The following NUP210 variants were observed in gnomAD, a reference collection of about 807,000 sequenced individuals.
NUP210 encodes nuclear pore membrane glycoprotein 210.
In NUP210, 151 loss-of-function variants were observed where a neutral mutation model predicts 196.0. The ratio of observed to expected loss-of-function variants is 0.77; its 90% CI spans 0.67 to 0.88. The LOEUF is 0.88. Ranked by LOEUF, NUP210 falls within the 40% of genes least tolerant of loss-of-function variation. The pLI is 0.00. For synonymous variants in NUP210, 1,070 were observed against 1,052.7 expected (o/e 1.02, Z -0.32); for missense variants, 2,314 against 2,493.7 (o/e 0.93, Z 1.53).
In NUP210 at chr3:13,327,399, T is replaced by G. The variant is rs754029061; in HGVS notation, c.4325A>C (p.Asn1442Thr). The G allele has an allele frequency of 5.0e-6, 8 of 1,612,740 alleles. No individual in the cohort carries two copies. The highest frequency in any genetic ancestry group is 2.2e-5 in the South Asian group (2 of 91,018). Residue 1442 changes from asparagine (N) to threonine (T), a missense_variant, in exon 32 of 40, where the codon AAC becomes ACC. Physicochemically the swap from Asn to Thr is moderately conservative, Grantham distance 65 (BLOSUM62 0). Transcript: ENST00000254508. ...FVQIGKGPTN[N>T]TCVVRTVSVG... ...GCTGACTGTGCGGACAACGCAGGTG[T>G]TGTTGGTGGGGCCCTTCCCGATCTG... is the stretch of plus-strand genomic sequence containing the variant.
At chr3:13,359,943 G>A (rs1229757693) in intron 15 of NUP210, among the ~76,000 whole-genome samples, 1 of 152,240 alleles carries the variant, frequency 6.6e-6, no homozygotes, top group Admixed American at 6.5e-5. Flanking sequence ...CGACCCTGGA[G>A]ACATTGGACT....
At position 13,367,918 on chromosome 3, in the gene NUP210, G is replaced by A. The variant is rs529544864; in HGVS notation, c.1787-1827C>T. On this transcript the variant is annotated intron_variant, in intron 13 of 39. Transcript: ENST00000254508. ...GGACACACCTGGGCATTTCTGTTGC[G>A]TGCGTCCCTAAGAGAGGAAGTGCTA... Among the ~76,000 whole-genome samples the A allele has an allele frequency of 1.4e-4, 21 of 152,228 alleles. No individual in the cohort carries two copies. In the South Asian group the frequency reaches 3.5e-3, roughly 26 times the overall value.
In NUP210 at chr3:13,321,831, C is replaced by T; in HGVS notation, c.4920G>A (p.Gln1640=). The part of the protein sequence containing the change: ...VEPQFDTALG[Q]YFCSITMHRL... ...TGTGCATTGTGATTGAGCAGAAGTACTGGCCTGCGAAGACAAGGGTGTATT... is the reference window on the plus strand; with the variant it reads ...TGTGCATTGTGATTGAGCAGAAGTATTGGCCTGCGAAGACAAGGGTGTATT... The change falls in exon 36 of 40, where the codon CAG becomes CAA. Residue 1640 remains glutamine (Q), a synonymous_variant. Transcript: ENST00000254508. 6.2e-7 allele frequency: 1 copy of T among 1,604,122 alleles called. No homozygotes were observed. The highest frequency in any genetic ancestry group is 8.5e-7 in the Non-Finnish European group (1 of 1,179,672).
intron 3 of NUP210, among the ~76,000 whole-genome samples, chr3:13,394,302 C>G (rs1699583669): frequency 6.6e-6 from 1 of 152,196 alleles, no homozygotes; most frequent in Non-Finnish European, 1.5e-5. Context: ...ATGCAAGAGG[C>G]ACGGGTGGGC....
chr3:13,327,556 G>A (rs1331819396), intron 31 of NUP210, 119 bp from the exon 32 acceptor site: 2 of 755,956 alleles, frequency 2.6e-6, no homozygotes, highest in Non-Finnish European at 4.3e-6. Flanking sequence ...TGAGGTCCCA[G>A]GTGTGGCCCC....
rs1696414694 is a variant in NUP210, at chr3:13,319,418, C to T, written c.5384-93G>A. The stretch of plus-strand genomic sequence containing the variant: ...CCCTACTGTACGTCTACAGGGCAGT[C>T]CACAGGTCCCTCTTAGATGTAAGGA... On this transcript the variant is annotated intron_variant, in intron 37 of 39. Coordinates refer to ENST00000254508, the MANE Select transcript of NUP210 (RefSeq NM_024923.4). 5.8e-6 allele frequency: 6 copies of T among 1,035,646 alleles called. No individual in the cohort carries two copies. The Admixed American group carries it at 1.0e-4, about 17-fold the overall frequency. The allele number at this position is 1,035,646 out of a possible 1,614,324, so 64.2% of individuals were successfully genotyped here.
chr3:13,391,658 T>G (rs9845966), intron 3 of NUP210, among the ~76,000 whole-genome samples: 86,076 of 146,428 alleles, frequency 0.59, 26,461 homozygotes, highest in African/African-American at 0.78. Context: ...AATTTAGGAG[T>G]CTGCTCGGAA....
intron 12 of NUP210, among the ~76,000 whole-genome samples, chr3:13,372,829 G>A (rs764835092): frequency 1.2e-4 from 19 of 152,278 alleles, no homozygotes; most frequent in Non-Finnish European, 2.1e-4. Flanking sequence ...TACCCAGAAC[G>A]CACGCTGCCT....
rs561280799 is a variant in NUP210, at chr3:13,366,910, A to G, written c.1787-819T>C. 3.3e-5 allele frequency among the ~76,000 whole-genome samples: 5 copies of G among 151,698 alleles called. No individual in the cohort carries two copies. In the South Asian group the frequency reaches 1.0e-3, roughly 32 times the overall value. ...GAGGCTGAGATGGGCGGATCACCTGAGGTCAGGAGTTTAAGACCAGCCTGA... is the reference window on the plus strand; with the variant it reads ...GAGGCTGAGATGGGCGGATCACCTGGGGTCAGGAGTTTAAGACCAGCCTGA... On this transcript the variant is annotated intron_variant, in intron 13 of 39. Transcript: ENST00000254508.
chr3:13,319,765 G>A lies in NUP210; in HGVS notation c.5381C>T (p.Pro1794Leu), dbSNP rs1295596890. Reference sequence around the variant, plus strand: ...GATGATGTCGTTCCGTGACTCACAAGGACCGGGCCCACGGCGATCCACCAC... The same window carrying A: ...GATGATGTCGTTCCGTGACTCACAAAGACCGGGCCCACGGCGATCCACCAC... ...AFVVDRRGPG[P>L]YGASLFQHFL... The change falls in exon 37 of 40, where the codon CCT becomes CTT. Residue 1794 changes from proline to leucine, a missense_variant and splice_region_variant. Coordinates refer to ENST00000254508, the MANE Select transcript of NUP210 (RefSeq NM_024923.4). 1.2e-6 allele frequency: 2 copies of A among 1,613,760 alleles called. No individual in the cohort carries two copies. Among genetic ancestry groups the A allele is most frequent in the Non-Finnish European group, 8.5e-7 (1 of 1,179,798 alleles).
At position 13,336,862 on chromosome 3, in the gene NUP210, A is replaced by G. The variant is rs566721725; in HGVS notation, c.3609T>C (p.Asn1203=). 3.7e-6 allele frequency: 6 copies of G among 1,613,918 alleles called. No individual in the cohort carries two copies. The Admixed American group carries it at 5.0e-5, about 13-fold the overall frequency. The change falls in exon 27 of 40, where the codon AAT becomes AAC. Residue 1203 remains asparagine, a synonymous_variant. Transcript: ENST00000254508. ...AGTGGAAGGTCAGGCCTGGCACGGC[A>G]TTGCCAAAGGAGAAAGGGTTCTGGT... ...TNHQNPFSFG[N]AVPGLTFHWS...
At chr3:13,382,425 C>T (rs1699134293) in intron 6 of NUP210, among the ~76,000 whole-genome samples, 1 of 152,226 alleles carries the variant, frequency 6.6e-6, no homozygotes, top group Non-Finnish European at 1.5e-5. Context: ...CTCTGCTAGG[C>T]TGTGAGCTCC....
Position 13,348,607 on chromosome 3 carries a change from G to A in NUP210, c.2835+3272C>T. The stretch of plus-strand genomic sequence containing the variant: ...TCGCATGGCTGGAGGAAGAGCTGGG[G>A]AATTGTTCTTTCTTCTATGAGGGGA... On this transcript the variant is annotated intron_variant, in intron 20 of 39. Coordinates refer to ENST00000254508, the MANE Select transcript of NUP210 (RefSeq NM_024923.4). This position sits in a 1 kb window ranked among gnomAD's most constrained non-coding sequence, Gnocchi z 4.0. 2 of 985,438 alleles carry A rather than the reference G, an allele frequency of 2.0e-6. No homozygotes were observed. The highest frequency in any genetic ancestry group is 2.4e-6 in the Non-Finnish European group (2 of 829,930). 61.0% of individuals were successfully genotyped at this position (985,438 alleles called of 1,614,324 possible).
rs747003687 is a variant in NUP210, at chr3:13,373,755, T to C, written c.1550A>G (p.His517Arg). ...SDIGFSVIQA[H>R]DVQNPLHFGE... ...GAAATGGAGTGGGTTCTGCACATCA[T>C]GTGCCTGGATCACACTGAACCCGAT... Residue 517 changes from histidine to arginine, a missense_variant, in exon 12 of 40, where the codon CAT becomes CGT. Transcript: ENST00000254508. 1.2e-6 allele frequency: 2 copies of C among 1,614,186 alleles called. No homozygotes were observed. The highest frequency in any genetic ancestry group is 1.1e-5 in the South Asian group (1 of 91,088).
In NUP210 at chr3:13,360,355, A is replaced by AT; in HGVS notation, c.2068dup (p.Ile690AsnfsTer28). 6.2e-7 allele frequency: 1 copy of AT among 1,614,180 alleles called. No homozygotes were observed. Among genetic ancestry groups the AT allele is most frequent in the Non-Finnish European group, 8.5e-7 (1 of 1,180,016 alleles). ...ATGGGGGGCAAAGAGAGCCAGGCCG[A>AT]TGCTGTCAGTGTCCTCAGCGGTGAC... On this transcript the variant is annotated frameshift_variant, in exon 15 of 40. Transcript: ENST00000254508. LOFTEE classifies it high-confidence loss of function.
Position 13,327,430 on chromosome 3 carries a change from A to C in NUP210, c.4294T>G (p.Phe1432Val). 6.2e-7 allele frequency: 1 copy of C among 1,608,690 alleles called. No homozygotes were observed. The change falls in exon 32 of 40, where the codon TTT becomes GTT. Residue 1432 changes from phenylalanine (F) to valine (V), a missense_variant. Coordinates refer to ENST00000254508, the MANE Select transcript of NUP210 (RefSeq NM_024923.4). ...GTGGGGCCCTTCCCGATCTGCACAAAGTCGTCTCTAGGCACAGGAGAGAAA... is the reference window on the plus strand; with the variant it reads ...GTGGGGCCCTTCCCGATCTGCACAACGTCGTCTCTAGGCACAGGAGAGAAA... The part of the protein sequence containing the change: ...VLNFATNRDD[F>V]VQIGKGPTNN...
At position 13,347,710 on chromosome 3, in the gene NUP210, TCTGTGCTGCTGCTCTGCAG is replaced by T. The variant is rs1213144472; in HGVS notation, c.2835+4150_2835+4168del. Among the ~76,000 whole-genome samples the T allele has an allele frequency of 2.6e-5, 4 of 152,154 alleles. No homozygotes were observed. Among genetic ancestry groups the T allele is most frequent in the Non-Finnish European group, 5.9e-5 (4 of 68,030 alleles). Reference sequence around the variant, plus strand: ...GGGGAGCGCTGGGGGCTTGTCTATCTCTGTGCTGCTGCTCTGCAGCTGGAAAAAGCCACAGCCACGAGTA... The same window carrying T: ...GGGGAGCGCTGGGGGCTTGTCTATCTCTGGAAAAAGCCACAGCCACGAGTA... On this transcript the variant is annotated intron_variant, in intron 20 of 39. Coordinates refer to ENST00000254508, the MANE Select transcript of NUP210 (RefSeq NM_024923.4). This position sits in a 1 kb window ranked among gnomAD's most constrained non-coding sequence, Gnocchi z 4.7.
In NUP210 at chr3:13,375,551, T is replaced by A; in HGVS notation, c.1384A>T (p.Thr462Ser). The A allele has an allele frequency of 6.2e-7, 1 of 1,614,114 alleles. No homozygotes were observed. The highest frequency in any genetic ancestry group is 8.5e-7 in the Non-Finnish European group (1 of 1,180,018). Reference protein sequence around the residue: ...IPITLYPSILTFPWQPKTGAY... With the variant: ...IPITLYPSILSFPWQPKTGAY... ...CCCGTCTTTGGTTGCCACGGAAATG[T>A]CAAGATGCTGGGATACAGGGTGATC... Residue 462 changes from threonine to serine, a missense_variant, in exon 11 of 40, where the codon ACA becomes TCA. By Grantham distance (58) the Thr-to-Ser change is moderately conservative (BLOSUM62 1). Coordinates refer to ENST00000254508, the MANE Select transcript of NUP210 (RefSeq NM_024923.4).
intron 6 of NUP210, among the ~76,000 whole-genome samples, chr3:13,380,235 G>A (rs1361268256): frequency 6.6e-6 from 1 of 152,152 alleles, no homozygotes; most frequent in Non-Finnish European, 1.5e-5. Context: ...CTTGCCCAAC[G>A]TGGGCTAGGA....
Sources: allele counts gnomAD v4.1 joint callset (sites outside exome capture counted in the v4.1 genomes callset), GRCh38; gene constraint gnomAD v4.1.1; non-coding constraint Gnocchi (gnomAD v3.1); transcripts MANE v1.5; gene names NCBI Gene and HGNC (gene_info 2026-07-23, HGNC 2026-07-21).